The following RALGAPA1 variants were observed in gnomAD, a reference collection of about 807,000 sequenced individuals.
RALGAPA1 encodes Ral GTPase activating protein catalytic subunit alpha 1.
Under a neutral mutation model 269.6 loss-of-function variants are expected in RALGAPA1, and 52 were observed. The ratio of observed to expected loss-of-function variants is 0.19; its 90% confidence interval spans 0.15 to 0.24. The LOEUF (loss-of-function observed/expected upper bound fraction) is 0.24. Ranked by LOEUF, RALGAPA1 falls within the 10% of genes least tolerant of loss-of-function variation. The probability of loss-of-function intolerance (pLI) is 1.00; values close to 1 mark genes in which losing one functional copy is unlikely to be tolerated. For synonymous variants in RALGAPA1, 817 were observed against 1,008.3 expected (o/e 0.81, Z 3.60); for missense variants, 1,917 against 3,013.9 (o/e 0.64, Z 8.52).
chr14:35,563,164 T>A (rs2056427564), intron 39 of RALGAPA1, among the ~76,000 whole-genome samples: 1 of 151,670 alleles, frequency 6.6e-6, no homozygotes, highest in Non-Finnish European at 1.5e-5. Context: ...TGGAAGTTAG[T>A]GAAACAAGGA....
intron 27 of RALGAPA1, among the ~76,000 whole-genome samples, chr14:35,661,658 A>C (rs1595027989): frequency 6.6e-6 from 1 of 152,338 alleles, no homozygotes; most frequent in South Asian, 2.1e-4. Flanking sequence ...ACATTCATTC[A>C]ATAAGCATTT....
chr14:35,795,814 C>CAA (rs35882089), intron 1 of RALGAPA1, among the ~76,000 whole-genome samples: 8 of 122,282 alleles, frequency 6.5e-5, no homozygotes, highest in Admixed American at 2.5e-4. Context: ...ATTTCTCTAC[C>CAA]AAAAAAAAAA....
chr14:35,676,364 A>G (rs1361100322), intron 22 of RALGAPA1: 5 of 152,182 alleles, frequency 3.3e-5, no homozygotes, highest in African/African-American at 1.2e-4. Context: ...GGCGTGTGCC[A>G]CCATGATCAG....
intron 12 of RALGAPA1, among the ~76,000 whole-genome samples, chr14:35,729,321 C>T (rs573738800): frequency 6.6e-6 from 1 of 152,078 alleles, no homozygotes; most frequent in Non-Finnish European, 1.5e-5. Context: ...GCATTCAACA[C>T]TTATGACTGA....
intron 1 of RALGAPA1, among the ~76,000 whole-genome samples, chr14:35,782,830 A>G (rs1567221152): frequency 2.0e-5 from 3 of 147,032 alleles, no homozygotes; most frequent in Non-Finnish European, 4.5e-5. Flanking sequence ...TCAAAACAGT[A>G]TTTTTTTTTT....
chr14:35,584,571 G>C lies in RALGAPA1; in HGVS notation c.7209+11063C>G, dbSNP rs891246357. 3.9e-5 allele frequency among the ~76,000 whole-genome samples: 6 copies of C among 152,104 alleles called. 1 individual carries two copies. In the South Asian group the frequency reaches 1.2e-3, roughly 32 times the overall value. ...TTAGCCACTGCACCCGGTTGGTATA[G>C]TGTAATTTGAAAGTGGACTTGTAAC... On this transcript the variant is annotated intron_variant, in intron 37 of 41. Coordinates refer to ENST00000680220, the MANE Select transcript of RALGAPA1 (RefSeq NM_001346249.2).
chr14:35,786,179 G>A (rs1176918351), intron 1 of RALGAPA1, among the ~76,000 whole-genome samples: 7 of 151,906 alleles, frequency 4.6e-5, no homozygotes, highest in Non-Finnish European at 1.0e-4. Flanking sequence ...AAACATAAGA[G>A]AAGGAATGAT....
chr14:35,548,546 G>A lies in RALGAPA1; in HGVS notation c.7622-8C>T, dbSNP rs754892187. ...GAACTGATATTTAATGATCTAAAGAGGGAAAATAAATGAAACAATCATAAG... is the reference window on the plus strand; with the variant it reads ...GAACTGATATTTAATGATCTAAAGAAGGAAAATAAATGAAACAATCATAAG... On this transcript the variant is annotated splice_polypyrimidine_tract_variant and splice_region_variant and intron_variant, in intron 40 of 41. Coordinates refer to ENST00000680220, the MANE Select transcript of RALGAPA1 (RefSeq NM_001346249.2). 1 of 1,561,208 alleles carries A rather than the reference G, an allele frequency of 6.4e-7. No individual in the cohort carries two copies. The highest frequency in any genetic ancestry group is 1.8e-5 in the Admixed American group (1 of 55,860).
chr14:35,697,310 C>T (rs2066979783), intron 17 of RALGAPA1, among the ~76,000 whole-genome samples: 1 of 152,004 alleles, frequency 6.6e-6, no homozygotes, highest in South Asian at 2.1e-4. Flanking sequence ...AAGTCTGAGA[C>T]ATATTCAATT....
intron 16 of RALGAPA1, among the ~76,000 whole-genome samples, chr14:35,702,724 A>ATAT (rs5807841): frequency 0.019 from 2,490 of 132,686 alleles, 25 homozygotes; most frequent in South Asian, 0.043. Flanking sequence ...TTAAAAAAAA[A>ATAT]AAATATATAT....
chr14:35,706,354 G>C (rs1037752484), intron 16 of RALGAPA1, among the ~76,000 whole-genome samples: 3 of 152,124 alleles, frequency 2.0e-5, no homozygotes, highest in Non-Finnish European at 4.4e-5. Context: ...GCATGTGGAT[G>C]TCCAATTGTT....
intron 31 of RALGAPA1, among the ~76,000 whole-genome samples, chr14:35,641,219 C>T (rs1029143950): frequency 2.0e-5 from 3 of 152,084 alleles, no homozygotes; most frequent in Non-Finnish European, 2.9e-5. Context: ...TATCATTTGA[C>T]ACAGTACTGG....
intron 4 of RALGAPA1, among the ~76,000 whole-genome samples, chr14:35,764,381 TG>T (rs2073970211): frequency 1.3e-5 from 2 of 151,608 alleles, no homozygotes; most frequent in East Asian, 3.9e-4. Context: ...CCACTACACC[TG>T]GCCTTCTTTA....
chr14:35,541,994 AC>A (rs1447121946), intron 41 of RALGAPA1: 1 of 1,241,944 alleles, frequency 8.1e-7, no homozygotes, highest in Non-Finnish European at 1.1e-6. Flanking sequence ...GTTCACAATG[AC>A]AATGCTTTGT....
intron 17 of RALGAPA1, among the ~76,000 whole-genome samples, chr14:35,696,112 C>G (rs909149230): frequency 6.6e-6 from 1 of 152,278 alleles, no homozygotes; most frequent in East Asian, 1.9e-4. Flanking sequence ...TCTTTAAGGG[C>G]TGGGTGTGGT....
intron 16 of RALGAPA1, among the ~76,000 whole-genome samples, chr14:35,718,807 AAAAT>A (rs1380898895): frequency 1.3e-5 from 2 of 151,804 alleles, no homozygotes; most frequent in Non-Finnish European, 2.9e-5. Flanking sequence ...TCCATCTCAA[AAAAT>A]AAATAAATAA....
chr14:35,676,814 T>C (rs911115642), intron 22 of RALGAPA1: 5 of 152,332 alleles, frequency 3.3e-5, no homozygotes, highest in South Asian at 2.1e-4. Flanking sequence ...GTGCTGTGTG[T>C]AAATATAGAC....
chr14:35,547,827 G>C (rs1448040918), intron 41 of RALGAPA1, among the ~76,000 whole-genome samples: 2 of 151,774 alleles, frequency 1.3e-5, no homozygotes, highest in Admixed American at 1.3e-4. Flanking sequence ...TAAATTTTTT[G>C]TAAAATTATT....
In RALGAPA1 at chr14:35,750,675, C is replaced by T; in HGVS notation, c.818G>A (p.Arg273Lys). Residue 273 changes from arginine (R) to lysine (K), a missense_variant, in exon 9 of 42, where the codon AGA becomes AAA. By Grantham distance (26) the Arg-to-Lys change is conservative. Coordinates refer to ENST00000680220, the MANE Select transcript of RALGAPA1 (RefSeq NM_001346249.2). ...TATCACGACATAATGTGGCTTTGGT[C>T]TCATCTGCGGGATGTCTGTGCAAAA... Reference protein sequence around the residue: ...YHPILDIPQMRPKPHYVVIKK... With the variant: ...YHPILDIPQMKPKPHYVVIKK... 1 of 1,610,180 alleles carries T rather than the reference C, an allele frequency of 6.2e-7. No individual in the cohort carries two copies. The highest frequency in any genetic ancestry group is 8.5e-7 in the Non-Finnish European group (1 of 1,177,958).
Sources: gnomAD v4.1 joint callset for allele counts (sites outside exome capture counted in the v4.1 genomes callset) on GRCh38, gnomAD v4.1.1 for gene constraint, MANE v1.5 for transcripts, NCBI Gene and HGNC (gene_info 2026-07-23, HGNC 2026-07-21) for gene names.